The following CECR2 variants were observed in gnomAD, a reference collection of about 807,000 sequenced individuals.
CECR2 encodes the protein chromatin remodeling regulator CECR2.
Under a neutral mutation model 154.5 loss-of-function variants are expected in CECR2, and 30 were observed. The observed-to-expected ratio is 0.19, with a 90% CI of 0.15 to 0.26. CECR2 has a LOEUF of 0.26. CECR2 is among the 10% of genes least tolerant of loss of function. The pLI, the probability that CECR2 is intolerant of heterozygous loss-of-function variation, is 1.00. For missense variants in CECR2, 1,743 were observed against 1,829.3 expected, an observed-to-expected ratio of 0.95 and a Z score of 0.86; for synonymous variants, 725 against 683.7, an observed-to-expected ratio of 1.06 and a Z score of -0.94.
intron 1 of CECR2, among the ~76,000 whole-genome samples, chr22:17,466,829 T>C (rs1163442305): frequency 6.6e-6 from 1 of 152,212 alleles, no homozygotes; most frequent in Non-Finnish European, 1.5e-5. Context: ...CCTGACCTTG[T>C]GATCCTCCCG....
chr22:17,500,583 C>G (rs753149928), intron 4 of CECR2, 48 bp from the exon 5 acceptor site: 6 of 1,295,816 alleles, frequency 4.6e-6, no homozygotes, highest in Non-Finnish European at 6.4e-6. Flanking sequence ...TCATATGTAG[C>G]AATGCCAATC....
intron 2 of CECR2, among the ~76,000 whole-genome samples, chr22:17,478,263 T>C (rs2097897947): frequency 6.6e-6 from 1 of 152,062 alleles, no homozygotes; most frequent in South Asian, 2.1e-4. Context: ...TGAGATGCAA[T>C]GGGTTTCCTG....
At chr22:17,526,808 CAAAAAA>C (rs34800488) in intron 9 of CECR2, among the ~76,000 whole-genome samples, 10 of 71,686 alleles carry the variant, frequency 1.4e-4, no homozygotes, top group South Asian at 1.3e-3. Flanking sequence ...GACTCCATCT[CAAAAAA>C]AAAAAAAAAA....
chr22:17,537,354 G>A, intron 10 of CECR2, 122 bp downstream of exon 10: 4 of 1,193,044 alleles, frequency 3.4e-6, no homozygotes, highest in Admixed American at 1.9e-5. Flanking sequence ...CCATGTGTGA[G>A]TGAACAGGGC....
At chr22:17,415,377 A>G (rs1422020513) in intron 1 of CECR2, among the ~76,000 whole-genome samples, 1 of 151,924 alleles carries the variant, frequency 6.6e-6, no homozygotes, top group East Asian at 1.9e-4. Context: ...AGCTGGGATC[A>G]CAGACAGGGG....
At chr22:17,436,736 A>G (rs1349882827) in intron 1 of CECR2, among the ~76,000 whole-genome samples, 2 of 152,150 alleles carry the variant, frequency 1.3e-5, no homozygotes, top group Non-Finnish European at 2.9e-5. Context: ...GGGTGCTCAC[A>G]CTCTAGAAAA....
chr22:17,487,003 G>GA (rs959620909), intron 2 of CECR2, among the ~76,000 whole-genome samples: 8 of 152,174 alleles, frequency 5.3e-5, no homozygotes, highest in African/African-American at 1.9e-4. Context: ...GACTTCGCTG[G>GA]AAGGTCACTA....
chr22:17,396,242 CAAAA>C (rs543939674), intron 1 of CECR2, among the ~76,000 whole-genome samples: 2 of 91,330 alleles, frequency 2.2e-5, no homozygotes, highest in Non-Finnish European at 2.3e-5. Flanking sequence ...GACCCTTTCT[CAAAA>C]AAAAAAAAAA....
At chr22:17,442,573 G>T (rs1443501541) in intron 1 of CECR2, among the ~76,000 whole-genome samples, 1 of 152,030 alleles carries the variant, frequency 6.6e-6, no homozygotes, top group Non-Finnish European at 1.5e-5. Context: ...TTTTGAGATG[G>T]AATCTCACTC....
At chr22:17,475,480 G>A (rs1467385718) in intron 1 of CECR2, among the ~76,000 whole-genome samples, 1 of 152,094 alleles carries the variant, frequency 6.6e-6, no homozygotes, top group African/African-American at 2.4e-5. Context: ...CCTTAAAAGA[G>A]ACAGGGTCTT....
intron 14 of CECR2, among the ~76,000 whole-genome samples, chr22:17,541,625 A>G (rs1324483471): frequency 6.6e-6 from 1 of 152,162 alleles, no homozygotes; most frequent in African/African-American, 2.4e-5. Flanking sequence ...ACACTGATTT[A>G]ATCTTGTATC....
intron 1 of CECR2, among the ~76,000 whole-genome samples, chr22:17,407,705 T>G (rs2054006145): frequency 6.6e-6 from 1 of 152,198 alleles, no homozygotes; most frequent in Admixed American, 6.5e-5. Flanking sequence ...ACAGTGGTTC[T>G]CAACGGGGTG....
chr22:17,413,865 G>A (rs2054104680), intron 1 of CECR2, among the ~76,000 whole-genome samples: 1 of 146,882 alleles, frequency 6.8e-6, no homozygotes, highest in African/African-American at 2.5e-5. Flanking sequence ...TTTTAGTAGA[G>A]ACAGGGTTTC....
At chr22:17,456,764 C>G (rs1056439899) in intron 1 of CECR2, among the ~76,000 whole-genome samples, 2 of 152,100 alleles carry the variant, frequency 1.3e-5, no homozygotes, top group Non-Finnish European at 2.9e-5. Flanking sequence ...TACAGCATCA[C>G]GATATGGAGA....
chr22:17,360,926 G>A (rs2062973664), intron 1 of CECR2, among the ~76,000 whole-genome samples: 1 of 152,072 alleles, frequency 6.6e-6, no homozygotes, highest in Non-Finnish European at 1.5e-5. Context: ...ACTTTGGGAG[G>A]CTGAGGCGGG....
chr22:17,504,017 G>T (rs2055787379), intron 6 of CECR2, among the ~76,000 whole-genome samples: 1 of 146,212 alleles, frequency 6.8e-6, no homozygotes, highest in African/African-American at 2.6e-5. Context: ...CCTGAACTCC[G>T]GCCTGGACAA....
intron 1 of CECR2, among the ~76,000 whole-genome samples, chr22:17,410,778 C>G (rs1237027364): frequency 6.6e-6 from 1 of 152,172 alleles, no homozygotes; most frequent in Non-Finnish European, 1.5e-5. Flanking sequence ...AAATGTTTTT[C>G]CTTGCCAGAT....
chr22:17,403,043 C>T (rs141279775), intron 1 of CECR2, among the ~76,000 whole-genome samples: 55 of 152,316 alleles, frequency 3.6e-4, no homozygotes, highest in African/African-American at 1.2e-3. Context: ...CGTGAGCCAG[C>T]GCACCCGGCA....
At position 17,523,894 on chromosome 22, in the gene CECR2, A is replaced by G. The variant is rs190811897; in HGVS notation, c.955-224A>G. Reference sequence around the variant, plus strand: ...GATTGTCTCCTAAATACCACAAATTATATAAATTGTTGGACACAAAAGTTT... The same window carrying G: ...GATTGTCTCCTAAATACCACAAATTGTATAAATTGTTGGACACAAAAGTTT... On this transcript the variant is annotated intron_variant, in intron 8 of 18. Transcript: ENST00000262608. 2.4e-3 allele frequency among the ~76,000 whole-genome samples: 361 copies of G among 152,318 alleles called. 2 individuals carry two copies. The highest frequency in any genetic ancestry group is 2.3e-3 in the Admixed American group (35 of 15,290).
Sources: allele counts gnomAD v4.1 joint callset (sites outside exome capture counted in the v4.1 genomes callset), GRCh38; gene constraint gnomAD v4.1.1; transcripts MANE v1.5; gene names NCBI Gene and HGNC (gene_info 2026-07-23, HGNC 2026-07-21).